Variants in HCRTR2 observed in about 807,000 individuals in gnomAD.
HCRTR2 encodes hypocretin receptor 2.
HCRTR2 carries 22 observed loss-of-function variants against 49.0 expected under a neutral mutation model. The observed-to-expected ratio is 0.45, with a 90% CI of 0.32 to 0.64. The LOEUF (loss-of-function observed/expected upper bound fraction) is 0.64. Ranked by LOEUF, HCRTR2 falls within the 30% of genes least tolerant of loss-of-function variation. The pLI is 0.04. For synonymous variants in HCRTR2, 236 were observed against 205.3 expected (o/e 1.15, Z -1.28); for missense variants, 491 against 559.4 (o/e 0.88, Z 1.23).
chr6:55,272,940 G>A (rs925763271), intron 4 of HCRTR2, among the ~76,000 whole-genome samples: 1 of 151,406 alleles, frequency 6.6e-6, no homozygotes, highest in East Asian at 1.9e-4. Flanking sequence ...ACAGGGGCAG[G>A]AGGCATAGTG....
At chr6:55,262,765 A>AAC (rs1766791463) in intron 3 of HCRTR2, among the ~76,000 whole-genome samples, 1 of 138,854 alleles carries the variant, frequency 7.2e-6, no homozygotes, top group Non-Finnish European at 1.5e-5. Context: ...TTAGGTAGGG[A>AAC]ATATATATAT....
At chr6:55,255,013 TA>T in intron 2 of HCRTR2, 122 bp from the exon 3 acceptor site, 1 of 1,032,520 alleles carries the variant, frequency 9.7e-7, no homozygotes, top group Non-Finnish European at 1.4e-6. Flanking sequence ...ATGGATTGTT[TA>T]TTTTTGGCAG....
intron 3 of HCRTR2, among the ~76,000 whole-genome samples, chr6:55,261,685 A>C (rs1398920988): frequency 1.3e-5 from 2 of 152,184 alleles, no homozygotes; most frequent in Non-Finnish European, 2.9e-5. Context: ...GTGGGAATGT[A>C]AGCTAGTACG....
intron 1 of HCRTR2, among the ~76,000 whole-genome samples, chr6:55,205,732 T>C (rs962853000): frequency 5.3e-5 from 8 of 152,274 alleles, no homozygotes; most frequent in African/African-American, 1.9e-4. Context: ...TTTGTGTTTG[T>C]TTGTTTTTGA....
At chr6:55,253,904 G>C (rs567661743) in intron 2 of HCRTR2, among the ~76,000 whole-genome samples, 2 of 152,164 alleles carry the variant, frequency 1.3e-5, no homozygotes, top group Non-Finnish European at 2.9e-5. Flanking sequence ...GAAGGGAGAG[G>C]ATCAGGAAAA....
chr6:55,245,505 A>ATC (rs1466514512), intron 1 of HCRTR2, among the ~76,000 whole-genome samples: 1 of 130,954 alleles, frequency 7.6e-6, no homozygotes, highest in East Asian at 2.1e-4. Context: ...ATATATATAT[A>ATC]TCTTCCCCAA....
chr6:55,158,412 T>C (rs1320375858), intron 1 of HCRTR2, among the ~76,000 whole-genome samples: 1 of 152,140 alleles, frequency 6.6e-6, no homozygotes, highest in East Asian at 1.9e-4. Flanking sequence ...CTGCAGGAGT[T>C]ATTTTTCATA....
intron 1 of HCRTR2, among the ~76,000 whole-genome samples, chr6:55,149,332 C>A (rs1180856113): frequency 6.6e-6 from 1 of 152,106 alleles, no homozygotes; most frequent in Non-Finnish European, 1.5e-5. Context: ...GGTCACCCAA[C>A]AGGGTTTAAT....
chr6:55,208,177 T>G (rs1765634686), intron 1 of HCRTR2, among the ~76,000 whole-genome samples: 1 of 152,030 alleles, frequency 6.6e-6, no homozygotes, highest in Non-Finnish European at 1.5e-5. Context: ...AACCTCCATT[T>G]AAGAATGAAT....
At chr6:55,240,690 T>C (rs1766311036) in intron 1 of HCRTR2, 1 of 296,522 alleles carries the variant, frequency 3.4e-6, no homozygotes, top group Non-Finnish European at 6.9e-6. Flanking sequence ...CAGGATTTGG[T>C]GGAGAGTTTG....
chr6:55,146,184 G>T (rs1399495965), intron 1 of HCRTR2, among the ~76,000 whole-genome samples: 2 of 151,936 alleles, frequency 1.3e-5, no homozygotes, highest in Non-Finnish European at 2.9e-5. Context: ...GAATAGTGGA[G>T]AACAATTATA....
At chr6:55,112,548 CAAAAA>C (rs34704863) in intron 1 of HCRTR2, among the ~76,000 whole-genome samples, 1 of 79,168 alleles carries the variant, frequency 1.3e-5, no homozygotes. Flanking sequence ...ACAATAGCTG[CAAAAA>C]AAAAAAAAAA....
chr6:55,239,265 T>A (rs1359830880), intron 1 of HCRTR2, among the ~76,000 whole-genome samples: 1 of 152,236 alleles, frequency 6.6e-6, no homozygotes, highest in Non-Finnish European at 1.5e-5. Context: ...ATAACACTGC[T>A]GTTTTGTTCT....
intron 1 of HCRTR2, among the ~76,000 whole-genome samples, chr6:55,180,097 C>T (rs1765105414): frequency 6.6e-6 from 1 of 152,158 alleles, no homozygotes; most frequent in African/African-American, 2.4e-5. Context: ...GTACTATATG[C>T]CAGGTACTAT....
intron 1 of HCRTR2, among the ~76,000 whole-genome samples, chr6:55,199,291 A>C (rs1452450085): frequency 3.3e-5 from 5 of 151,548 alleles, no homozygotes; most frequent in South Asian, 2.1e-4. Context: ...GCAGCATGTC[A>C]TAAAGTTGGG....
intron 1 of HCRTR2, among the ~76,000 whole-genome samples, chr6:55,133,646 TTATCTATCTATCTATCATC>T (rs1360980257): frequency 6.8e-6 from 1 of 146,578 alleles, no homozygotes; most frequent in African/African-American, 2.5e-5. Context: ...CTACATGTAT[TTATCTATCTATCTATCATC>T]TATCTATCTA....
intron 1 of HCRTR2, among the ~76,000 whole-genome samples, chr6:55,161,076 A>G (rs953090940): frequency 7.2e-5 from 11 of 152,112 alleles, no homozygotes; most frequent in African/African-American, 2.7e-4. Context: ...TGACCACATC[A>G]TTGGAAGTAA....
intron 1 of HCRTR2, among the ~76,000 whole-genome samples, chr6:55,240,064 A>C (rs1766295249): frequency 6.6e-6 from 1 of 151,860 alleles, no homozygotes; most frequent in East Asian, 2.0e-4. Context: ...GGTGTGAGCC[A>C]CCGCGCCCGG....
intron 1 of HCRTR2, among the ~76,000 whole-genome samples, chr6:55,230,844 AT>A (rs75572207): frequency 0.12 from 17,017 of 146,848 alleles, 1,293 homozygotes; most frequent in African/African-American, 0.23. Context: ...CAGGTCAAAG[AT>A]TTTTTTTTTT....
Sources: allele counts gnomAD v4.1 joint callset (sites outside exome capture counted in the v4.1 genomes callset), GRCh38; gene constraint gnomAD v4.1.1; transcripts MANE v1.5; gene names NCBI Gene and HGNC (gene_info 2026-07-23, HGNC 2026-07-21).